The following LRRK2 variants were observed in gnomAD, a reference collection of about 807,000 sequenced individuals.
LRRK2 encodes the protein leucine-rich repeat serine/threonine-protein kinase 2.
A neutral mutation model predicts 302.6 loss-of-function variants in LRRK2; 203 were observed. The observed-to-expected ratio is 0.67, with a 90% CI of 0.60 to 0.75. LRRK2 has a LOEUF of 0.75. Among genes scored for constraint, LRRK2 ranks in the 30% least tolerant of loss-of-function variants. LRRK2 has a pLI of 0.00. For missense variants in LRRK2, 2,830 were observed against 2,951.0 expected, an observed-to-expected ratio of 0.96 and a Z score of 0.95; for synonymous variants, 1,066 against 1,031.9, an observed-to-expected ratio of 1.03 and a Z score of -0.63.
chr12:40,250,012 A>G (rs1942183136), intron 8 of LRRK2, 67 bp downstream of exon 8: 1 of 1,582,388 alleles, frequency 6.3e-7, no homozygotes, highest in African/African-American at 1.3e-5. Context: ...ACATTGTAAC[A>G]AGAGAATCAT....
intron 39 of LRRK2, among the ~76,000 whole-genome samples, 175 bp downstream of exon 39, chr12:40,328,635 C>T (rs867836694): frequency 1.5e-4 from 23 of 152,178 alleles, no homozygotes; most frequent in African/African-American, 5.3e-4. Flanking sequence ...GTTATTTCTC[C>T]TGTTGAGAAA....
intron 10 of LRRK2, 31 bp from the exon 11 acceptor site, chr12:40,252,879 A>C: frequency 7.3e-7 from 1 of 1,368,594 alleles, no homozygotes; most frequent in Non-Finnish European, 1.0e-6. Context: ...TTAAAAGATT[A>C]CTACTAACAT....
chr12:40,323,408 C>A, intron 38 of LRRK2, 102 bp downstream of exon 38: 2 of 973,740 alleles, frequency 2.1e-6, no homozygotes, highest in East Asian at 2.7e-5. Flanking sequence ...ATTTTACTGT[C>A]TTCATATATT....
chr12:40,349,558 GGCTGGAGT>G (rs59096461), intron 43 of LRRK2, among the ~76,000 whole-genome samples: 116,280 of 151,548 alleles, frequency 0.77, 45,460 homozygotes, highest in Non-Finnish European at 0.85. Flanking sequence ...CTGTCACCCA[GGCTGGAGT>G]GCTGGAGTGC....
rs77110794 is a variant in LRRK2, at chr12:40,276,995, T to A, written c.1942-893T>A. ...CTGAGTAGCTGGGACTACAGGTGCA[T>A]GCACGGGTAATTTTAAAATATTTTT... On this transcript the variant is annotated intron_variant, in intron 16 of 50. Transcript: ENST00000298910. Among the ~76,000 whole-genome samples the A allele has an allele frequency of 1.3e-3, 195 of 152,130 alleles. 3 individuals are homozygous for A. The East Asian group carries it at 0.035, about 27-fold the overall frequency.
intron 7 of LRRK2, among the ~76,000 whole-genome samples, chr12:40,248,629 G>A (rs1260083089): frequency 6.6e-6 from 1 of 152,012 alleles, no homozygotes; most frequent in Non-Finnish European, 1.5e-5. Context: ...AATATTTAAC[G>A]TTTTGCCAAA....
chr12:40,240,192 A>G (rs1429491773), intron 5 of LRRK2, among the ~76,000 whole-genome samples: 1 of 152,172 alleles, frequency 6.6e-6, no homozygotes, highest in Non-Finnish European at 1.5e-5. Context: ...AATTTCCCAA[A>G]TGAAATTGTA....
At chr12:40,268,371 A>G (rs1374327047) in intron 14 of LRRK2, among the ~76,000 whole-genome samples, 1 of 152,196 alleles carries the variant, frequency 6.6e-6, no homozygotes, top group Non-Finnish European at 1.5e-5. Context: ...TAAATATTGA[A>G]TGTATTGATT....
In LRRK2 at chr12:40,323,155, C is replaced by T; in HGVS notation, c.5510-5C>T. The T allele has an allele frequency of 6.2e-7, 1 of 1,611,158 alleles. No homozygotes were observed. The highest frequency in any genetic ancestry group is 8.5e-7 in the Non-Finnish European group (1 of 1,177,634). On this transcript the variant is annotated splice_polypyrimidine_tract_variant and splice_region_variant and intron_variant, in intron 37 of 50. Coordinates refer to ENST00000298910, the MANE Select transcript of LRRK2 (RefSeq NM_198578.4). ...TTATTTAAAAAATGTTTTATTACTT[C>T]TCAGGAGATCTCTTAGTAAATCCAG...
rs374005226 is a variant in LRRK2, at chr12:40,310,303, CT to C, written c.4318-126del. The C allele has an allele frequency of 7.7e-5, 68 of 878,306 alleles. No individual in the cohort carries two copies. In the African/African-American group the frequency reaches 9.8e-4, roughly 13 times the overall value. The allele number at this position is 878,306 out of a possible 1,614,324, so 54.4% of individuals were successfully genotyped here. On this transcript the variant is annotated intron_variant, in intron 30 of 50. Transcript: ENST00000298910. ...AGGAAAAAAGGACAGTTGTTCTTTT[CT>C]TCTTCTGAAGTCTGCTAGTTTCTCT...
chr12:40,343,628 G>T (rs1027569655), intron 41 of LRRK2, among the ~76,000 whole-genome samples: 1 of 152,112 alleles, frequency 6.6e-6, no homozygotes, highest in African/African-American at 2.4e-5. Flanking sequence ...TAAAATGCAG[G>T]CTTCTCTGAA....
Position 40,348,390 on chromosome 12 carries a change from A to T in LRRK2, c.6281-19A>T. The T allele has an allele frequency of 1.3e-6, 2 of 1,495,772 alleles. No homozygotes were observed. The highest frequency in any genetic ancestry group is 1.9e-6 in the Non-Finnish European group (2 of 1,072,674). The allele number at this position is 1,495,772 out of a possible 1,614,324, so 92.7% of individuals were successfully genotyped here. Reference sequence around the variant, plus strand: ...CTTACTTATTTAGTATGCTAGCATGATGTTTTTTAATGTTTTAGATCCAGT... The same window carrying T: ...CTTACTTATTTAGTATGCTAGCATGTTGTTTTTTAATGTTTTAGATCCAGT... On this transcript the variant is annotated intron_variant, in intron 42 of 50. Coordinates refer to ENST00000298910, the MANE Select transcript of LRRK2 (RefSeq NM_198578.4).
intron 41 of LRRK2, among the ~76,000 whole-genome samples, chr12:40,342,447 C>T (rs919174): frequency 0.1 from 15,547 of 151,212 alleles, 895 homozygotes; most frequent in South Asian, 0.18. Flanking sequence ...TTTCTGCCTA[C>T]TCTTCTCACA....
chr12:40,332,928 A>C (rs1945754920), intron 39 of LRRK2, among the ~76,000 whole-genome samples: 1 of 150,252 alleles, frequency 6.7e-6, no homozygotes, highest in Admixed American at 6.7e-5. Flanking sequence ...GAAATTAAAA[A>C]AAAAGGGGTG....
chr12:40,339,618 T>A (rs1945976918), intron 40 of LRRK2, among the ~76,000 whole-genome samples: 1 of 152,204 alleles, frequency 6.6e-6, no homozygotes. Flanking sequence ...ATTCTAACTC[T>A]TAGCCCCAAA....
rs1945011349 is a variant in LRRK2 at position 40,310,715 on chromosome 12, T to C, written c.4536+66T>C. The C allele has an allele frequency of 2.6e-6, 4 of 1,510,614 alleles. No individual in the cohort carries two copies. The Admixed American group carries it at 6.7e-5, about 25-fold the overall frequency. The allele number at this position is 1,510,614 out of a possible 1,614,324, so 93.6% of individuals were successfully genotyped here. A position where few individuals can be genotyped will look rare whatever the true frequency, so the allele number is the denominator to read the frequency against. The stretch of plus-strand genomic sequence containing the variant: ...CTCAACTGCCTAGAAATGTCAGAAA[T>C]TTTGAGAAGTGAGCAACTCACTTAA... On this transcript the variant is annotated intron_variant, in intron 31 of 50. Coordinates refer to ENST00000298910, the MANE Select transcript of LRRK2 (RefSeq NM_198578.4).
chr12:40,250,171 A>G (rs930271053), intron 8 of LRRK2, among the ~76,000 whole-genome samples: 2 of 152,196 alleles, frequency 1.3e-5, no homozygotes, highest in Non-Finnish European at 2.9e-5. Context: ...TAGCTTTGTC[A>G]TTAAGCAGCT....
intron 30 of LRRK2, 98 bp downstream of exon 30, chr12:40,309,331 G>T: frequency 7.0e-7 from 1 of 1,438,158 alleles, no homozygotes; most frequent in South Asian, 1.3e-5. Context: ...GCAAACAATT[G>T]CTTCAGTCTC....
At chr12:40,359,076 TTACTA>T (rs1362335733) in intron 46 of LRRK2, among the ~76,000 whole-genome samples, 179 bp from the exon 47 acceptor site, 4 of 152,128 alleles carry the variant, frequency 2.6e-5, no homozygotes, top group Non-Finnish European at 4.4e-5. Flanking sequence ...TTTGAATCCT[TTACTA>T]TACTCATTTA....
Sources: allele counts gnomAD v4.1 joint callset (sites outside exome capture counted in the v4.1 genomes callset), GRCh38; gene constraint gnomAD v4.1.1; transcripts MANE v1.5; gene names NCBI Gene and HGNC (gene_info 2026-07-23, HGNC 2026-07-21).